Variants in RBM47 observed in about 807,000 individuals in gnomAD.
RBM47 encodes the protein RNA-binding protein 47.
Under a neutral mutation model 47.1 loss-of-function variants are expected in RBM47, and 21 were observed. That is an observed-to-expected ratio of 0.45 (90% CI 0.32 to 0.64). The LOEUF (loss-of-function observed/expected upper bound fraction) is 0.64. Among genes scored for constraint, RBM47 ranks in the 30% least tolerant of loss-of-function variants. RBM47 has a pLI of 0.05. For missense variants in RBM47, 708 were observed against 870.9 expected, an observed-to-expected ratio of 0.81 and a Z score of 2.35; for synonymous variants, 375 against 361.7, an observed-to-expected ratio of 1.04 and a Z score of -0.42.
At chr4:40,611,451 G>T (rs1354199138) in intron 1 of RBM47, among the ~76,000 whole-genome samples, 2 of 152,124 alleles carry the variant, frequency 1.3e-5, no homozygotes, top group Non-Finnish European at 2.9e-5. Context: ...ACATAGGCCG[G>T]GCACGGTGGC....
intron 2 of RBM47, among the ~76,000 whole-genome samples, chr4:40,520,850 G>C (rs575039138): frequency 6.6e-6 from 1 of 152,154 alleles, no homozygotes; most frequent in Admixed American, 6.6e-5. Context: ...TACACTGTCC[G>C]GTGCTGCCTA....
chr4:40,493,558 C>T (rs1354796192), intron 2 of RBM47, among the ~76,000 whole-genome samples: 1 of 152,126 alleles, frequency 6.6e-6, no homozygotes, highest in Non-Finnish European at 1.5e-5. Context: ...CCAAGGCAGA[C>T]AGATCACCTG....
intron 1 of RBM47, among the ~76,000 whole-genome samples, chr4:40,606,436 C>T (rs1735767071): frequency 6.6e-6 from 1 of 152,130 alleles, no homozygotes; most frequent in Non-Finnish European, 1.5e-5. Context: ...ATCTGTCTTC[C>T]AGATGGACAG....
chr4:40,556,480 T>C (rs116630602), intron 1 of RBM47, among the ~76,000 whole-genome samples: 2,993 of 151,906 alleles, frequency 0.02, 108 homozygotes, highest in African/African-American at 0.069. Flanking sequence ...GCACTCCAGA[T>C]TGGGTGACAA....
intron 3 of RBM47, among the ~76,000 whole-genome samples, chr4:40,449,351 T>C (rs1715050875): frequency 6.6e-6 from 1 of 152,222 alleles, no homozygotes; most frequent in African/African-American, 2.4e-5. Flanking sequence ...TTCCGGGCCA[T>C]GCCTTCTGCC....
intron 1 of RBM47, among the ~76,000 whole-genome samples, chr4:40,565,272 C>T (rs1176835249): frequency 6.6e-6 from 1 of 152,220 alleles, no homozygotes; most frequent in Non-Finnish European, 1.5e-5. Context: ...ACACTTGATA[C>T]TACACAGCAG....
intron 3 of RBM47, among the ~76,000 whole-genome samples, chr4:40,446,740 A>G (rs1220849773): frequency 2.3e-4 from 8 of 34,482 alleles, no homozygotes; most frequent in African/African-American, 4.8e-4. Context: ...CCCAGTCTCA[A>G]AAAAAAAAAA....
rs185198975 is a variant in RBM47, at chr4:40,524,952, C to A, written c.-155+19470G>T. ...TTTTTCACATGATCCTGATCCAGGCCACTGGATATATTTAATGAGCTCAGG... is the reference window on the plus strand; with the variant it reads ...TTTTTCACATGATCCTGATCCAGGCAACTGGATATATTTAATGAGCTCAGG... On this transcript the variant is annotated intron_variant, in intron 2 of 6. Coordinates refer to ENST00000295971, the MANE Select transcript of RBM47 (RefSeq NM_001098634.2). Among the ~76,000 whole-genome samples the A allele has an allele frequency of 5.6e-4, 86 of 152,222 alleles. 3 individuals carry two copies. The East Asian group carries it at 9.1e-3, about 16-fold the overall frequency.
chr4:40,493,022 G>A (rs181886482), intron 2 of RBM47, among the ~76,000 whole-genome samples: 1 of 152,200 alleles, frequency 6.6e-6, no homozygotes, highest in Admixed American at 6.5e-5. Flanking sequence ...AAGCAAAGAA[G>A]ACAGAAAGAA....
At chr4:40,527,587 G>A (rs368464533) in intron 2 of RBM47, among the ~76,000 whole-genome samples, 9 of 150,444 alleles carry the variant, frequency 6.0e-5, no homozygotes, top group South Asian at 2.1e-4. Flanking sequence ...CACTGCGCCC[G>A]GACTAACTTT....
chr4:40,568,992 T>TAGATAGATAGATAGATAGATA (rs1731392612), intron 1 of RBM47, among the ~76,000 whole-genome samples: 1 of 66,278 alleles, frequency 1.5e-5, no homozygotes, highest in South Asian at 5.5e-4. Context: ...AAAAGATAGA[T>TAGATAGATAGATAGATAGATA]AGATAGATAG....
intron 1 of RBM47, among the ~76,000 whole-genome samples, chr4:40,568,788 C>T (rs1335181348): frequency 6.6e-6 from 1 of 151,844 alleles, no homozygotes; most frequent in Non-Finnish European, 1.5e-5. Context: ...CGAGACCAGC[C>T]TAACTAACAT....
At chr4:40,454,687 A>G (rs1032223679) in intron 3 of RBM47, among the ~76,000 whole-genome samples, 1 of 152,074 alleles carries the variant, frequency 6.6e-6, no homozygotes, top group East Asian at 1.9e-4. Context: ...TAGTACAGAC[A>G]GGGTTTTGCC....
intron 2 of RBM47, among the ~76,000 whole-genome samples, chr4:40,481,052 TG>T (rs1720313039): frequency 6.6e-6 from 1 of 152,168 alleles, no homozygotes; most frequent in East Asian, 1.9e-4. Context: ...TCAGGAAGTG[TG>T]TGGTTTTGCC....
chr4:40,527,646 C>T (rs1726880480), intron 2 of RBM47, among the ~76,000 whole-genome samples: 1 of 150,622 alleles, frequency 6.6e-6, no homozygotes, highest in South Asian at 2.1e-4. Context: ...AGGCTGGTCT[C>T]GAACTCCTGG....
chr4:40,554,043 G>A (rs1729831913), intron 1 of RBM47, among the ~76,000 whole-genome samples: 1 of 152,052 alleles, frequency 6.6e-6, no homozygotes, highest in Non-Finnish European at 1.5e-5. Flanking sequence ...GGAGACGCGG[G>A]ACCACTTAAA....
chr4:40,565,929 G>A (rs559509772), intron 1 of RBM47, among the ~76,000 whole-genome samples: 2 of 152,100 alleles, frequency 1.3e-5, no homozygotes, highest in South Asian at 2.1e-4. Flanking sequence ...CTAGCCCGGC[G>A]CGGTGGCACA....
At chr4:40,528,748 G>C (rs1006887364) in intron 2 of RBM47, among the ~76,000 whole-genome samples, 2 of 152,030 alleles carry the variant, frequency 1.3e-5, no homozygotes, top group Non-Finnish European at 2.9e-5. Flanking sequence ...CTGGGTGACA[G>C]AGTAAGTAAG....
In RBM47 at chr4:40,629,637, A is replaced by C. The variant is rs1206441792; in HGVS notation, c.-481T>G. 1.3e-5 allele frequency: 2 copies of C among 152,234 alleles called. No homozygotes were observed. The highest frequency in any genetic ancestry group is 2.9e-5 in the Non-Finnish European group (2 of 68,070). The allele number at this position is 152,234 out of a possible 1,614,324, so 9.4% of individuals were successfully genotyped here. A position where few individuals can be genotyped will look rare whatever the true frequency, so the allele number is the denominator to read the frequency against. On this transcript the variant is annotated 5_prime_UTR_variant, in exon 1 of 7. Transcript: ENST00000295971. ...GTGGGTCAGAATTGCTTAACCTTGG[A>C]GACTTGCAGAGAGAAAGTCTCCAGG...
Sources: gnomAD v4.1 joint callset for allele counts (sites outside exome capture counted in the v4.1 genomes callset) on GRCh38, gnomAD v4.1.1 for gene constraint, MANE v1.5 for transcripts, NCBI Gene and HGNC (gene_info 2026-07-23, HGNC 2026-07-21) for gene names.